The following COLEC12 variants were observed in gnomAD, a reference collection of about 807,000 sequenced individuals.
The protein encoded by COLEC12 is collectin subfamily member 12.
Under a neutral mutation model 71.1 loss-of-function variants are expected in COLEC12, and 33 were observed. The ratio of observed to expected loss-of-function variants is 0.46; its 90% CI spans 0.35 to 0.62. The LOEUF is 0.62. Ranked by LOEUF, COLEC12 falls within the 20% of genes least tolerant of loss-of-function variation. The pLI is 0.00. For missense variants in COLEC12, 765 were observed against 916.1 expected (o/e 0.84, Z 2.13); for synonymous variants, 350 against 353.0 (o/e 0.99, Z 0.10).
chr18:369,685 G>A (rs145861303), intron 2 of COLEC12, among the ~76,000 whole-genome samples: 13 of 152,224 alleles, frequency 8.5e-5, no homozygotes, highest in East Asian at 7.7e-4. Flanking sequence ...TCTCTGTGGC[G>A]TGATTATAAT....
intron 2 of COLEC12, among the ~76,000 whole-genome samples, chr18:471,886 G>A (rs1029994657): frequency 6.6e-6 from 1 of 151,980 alleles, no homozygotes; most frequent in South Asian, 2.1e-4. Context: ...GTGACTCAAC[G>A]TTGGTCAATG....
At chr18:472,396 G>A (rs1326735315) in intron 2 of COLEC12, among the ~76,000 whole-genome samples, 1 of 152,072 alleles carries the variant, frequency 6.6e-6, no homozygotes, top group Non-Finnish European at 1.5e-5. Flanking sequence ...ATAGACTCCT[G>A]GTCAGGCGTG....
chr18:324,783 C>T (rs113259550), intron 8 of COLEC12, among the ~76,000 whole-genome samples: 39,944 of 151,944 alleles, frequency 0.26, 5,498 homozygotes, highest in African/African-American at 0.29. Flanking sequence ...GACCCAAGAT[C>T]ATGCCACTGT....
chr18:325,680 G>GGAAAAAA (rs1412775479), intron 8 of COLEC12, among the ~76,000 whole-genome samples: 2 of 81,572 alleles, frequency 2.5e-5, no homozygotes, highest in Admixed American at 2.0e-4. Flanking sequence ...GTTCTGTCTC[G>GGAAAAAA]GAAAAAAGAA....
intron 4 of COLEC12, 54 bp from the exon 5 acceptor site, chr18:347,395 C>T (rs552698453): frequency 6.8e-7 from 1 of 1,477,830 alleles, no homozygotes; most frequent in Non-Finnish European, 9.3e-7. Flanking sequence ...AGTGTTCAGG[C>T]AAGGCCAAAG....
At chr18:419,063 C>T (rs888311657) in intron 2 of COLEC12, among the ~76,000 whole-genome samples, 9 of 152,180 alleles carry the variant, frequency 5.9e-5, no homozygotes, top group Non-Finnish European at 5.9e-5. Context: ...GTTCCTCATC[C>T]ACAAAATGAA....
chr18:382,847 C>T (rs1335103304), intron 2 of COLEC12, among the ~76,000 whole-genome samples: 1 of 152,166 alleles, frequency 6.6e-6, no homozygotes, highest in Non-Finnish European at 1.5e-5. Context: ...TTCATGAGCA[C>T]AATGTGATGT....
At chr18:462,418 G>A (rs1388850526) in intron 2 of COLEC12, among the ~76,000 whole-genome samples, 2 of 152,170 alleles carry the variant, frequency 1.3e-5, no homozygotes, top group Non-Finnish European at 2.9e-5. Flanking sequence ...AGACACAAAA[G>A]ACAATATATT....
intron 2 of COLEC12, among the ~76,000 whole-genome samples, chr18:418,907 G>A (rs1051424284): frequency 2.0e-5 from 3 of 152,108 alleles, no homozygotes; most frequent in African/African-American, 7.2e-5. Context: ...TTTACACTGA[G>A]GACTCGCCCT....
chr18:447,367 T>A lies in COLEC12; in HGVS notation c.58+33340A>T, dbSNP rs573781212. Among the ~76,000 whole-genome samples, 11 of 152,282 alleles carry A rather than the reference T, an allele frequency of 7.2e-5. No homozygotes were observed. In the East Asian group the frequency reaches 2.1e-3, roughly 29 times the overall value. On this transcript the variant is annotated intron_variant, in intron 2 of 9. Transcript: ENST00000400256. ...GAGGCAATTGGACATCCCTTCCACTTCCCCTGTGGCAGCATGAACTTCCTC... is the reference window on the plus strand; with the variant it reads ...GAGGCAATTGGACATCCCTTCCACTACCCCTGTGGCAGCATGAACTTCCTC...
intron 2 of COLEC12, among the ~76,000 whole-genome samples, chr18:421,872 G>A (rs1156271267): frequency 6.6e-6 from 1 of 152,154 alleles, no homozygotes; most frequent in African/African-American, 2.4e-5. Flanking sequence ...ATGCATTTGG[G>A]TCACACCAGC....
chr18:493,153 G>A (rs1389088581), intron 1 of COLEC12, among the ~76,000 whole-genome samples: 1 of 152,192 alleles, frequency 6.6e-6, no homozygotes, highest in Non-Finnish European at 1.5e-5. Flanking sequence ...GTTACAGTGA[G>A]CCAAGACTGT....
At chr18:471,655 A>G (rs530697519) in intron 2 of COLEC12, among the ~76,000 whole-genome samples, 1 of 151,116 alleles carries the variant, frequency 6.6e-6, no homozygotes, top group African/African-American at 2.4e-5. Context: ...AGATTATATA[A>G]ATAATAATAT....
At chr18:356,387 G>A (rs998716559) in intron 3 of COLEC12, among the ~76,000 whole-genome samples, 21 of 152,250 alleles carry the variant, frequency 1.4e-4, no homozygotes, top group African/African-American at 5.1e-4. Flanking sequence ...ATTCACAATT[G>A]TATTAAAAAT....
intron 2 of COLEC12, among the ~76,000 whole-genome samples, chr18:389,115 T>G (rs1915405881): frequency 1.3e-5 from 2 of 152,044 alleles, no homozygotes; most frequent in African/African-American, 4.8e-5. Flanking sequence ...GCTAAAGTAA[T>G]TTTGCAAAGG....
chr18:395,963 T>C (rs1915562404), intron 2 of COLEC12, among the ~76,000 whole-genome samples: 1 of 152,206 alleles, frequency 6.6e-6, no homozygotes, highest in Non-Finnish European at 1.5e-5. Flanking sequence ...TACTGTGCAA[T>C]TTACAGGCCC....
At chr18:436,397 C>A (rs1208389738) in intron 2 of COLEC12, among the ~76,000 whole-genome samples, 1 of 151,528 alleles carries the variant, frequency 6.6e-6, no homozygotes, top group East Asian at 1.9e-4. Flanking sequence ...TGTAATTAAT[C>A]CCAGATGGTC....
At chr18:391,626 G>A (rs922362177) in intron 2 of COLEC12, among the ~76,000 whole-genome samples, 10 of 152,130 alleles carry the variant, frequency 6.6e-5, no homozygotes, top group Admixed American at 2.0e-4. Flanking sequence ...AGTGCACTGT[G>A]GCAGCAGAGC....
At chr18:370,631 T>C (rs1598342030) in intron 2 of COLEC12, among the ~76,000 whole-genome samples, 1 of 152,374 alleles carries the variant, frequency 6.6e-6, no homozygotes, top group Middle Eastern at 3.4e-3. Flanking sequence ...TTGCTTATTA[T>C]TCTTTAAAAC....
Sources: gnomAD v4.1 joint callset for allele counts (sites outside exome capture counted in the v4.1 genomes callset) on GRCh38, gnomAD v4.1.1 for gene constraint, MANE v1.5 for transcripts, NCBI Gene and HGNC (gene_info 2026-07-23, HGNC 2026-07-21) for gene names.